Variants in BNC2 observed in about 807,000 individuals in gnomAD.
BNC2 encodes the protein basonuclin zinc finger protein 2, also known as zinc finger protein basonuclin-2.
Under a neutral mutation model 76.3 loss-of-function variants are expected in BNC2, and 20 were observed. The ratio of observed to expected loss-of-function variants is 0.26; its 90% confidence interval spans 0.18 to 0.38. BNC2 has a LOEUF of 0.38. Ranked by LOEUF, BNC2 falls within the 10% of genes least tolerant of loss-of-function variation. The pLI is 1.00. For missense variants in BNC2, 1,382 were observed against 1,399.8 expected (o/e 0.99, Z 0.20); for synonymous variants, 582 against 514.8 (o/e 1.13, Z -1.77).
At chr9:16,776,759 G>GA (rs909939386) in intron 1 of BNC2, among the ~76,000 whole-genome samples, 2 of 152,130 alleles carry the variant, frequency 1.3e-5, no homozygotes, top group Non-Finnish European at 2.9e-5. Flanking sequence ...CAACACGAAG[G>GA]AAACAAATTA....
intron 1 of BNC2, among the ~76,000 whole-genome samples, chr9:16,793,285 C>T (rs996034586): frequency 6.6e-6 from 1 of 152,084 alleles, no homozygotes; most frequent in East Asian, 1.9e-4. Flanking sequence ...AATCAGTTAC[C>T]TAAGCAAAGA....
intron 1 of BNC2, among the ~76,000 whole-genome samples, chr9:16,783,341 A>C (rs1459262690): frequency 1.3e-5 from 2 of 152,222 alleles, no homozygotes; most frequent in South Asian, 2.1e-4. Flanking sequence ...ATAAACCTAA[A>C]ACCTCCTCCA....
chr9:16,487,376 T>C (rs1334886883), intron 5 of BNC2, among the ~76,000 whole-genome samples: 2 of 152,154 alleles, frequency 1.3e-5, no homozygotes, highest in Non-Finnish European at 2.9e-5. Flanking sequence ...AATTTAACAA[T>C]TCAGAAGTTC....
intron 3 of BNC2, among the ~76,000 whole-genome samples, chr9:16,693,043 T>A (rs192367751): frequency 1.6e-3 from 226 of 145,356 alleles, no homozygotes; most frequent in African/African-American, 5.5e-3. Context: ...GGCAGGAGAA[T>A]CGCTTGAACC....
At chr9:16,554,184 G>A (rs1818751218) in intron 4 of BNC2, among the ~76,000 whole-genome samples, 2 of 152,160 alleles carry the variant, frequency 1.3e-5, no homozygotes, top group African/African-American at 4.8e-5. Flanking sequence ...CACTACACGT[G>A]CATTCTCAGC....
chr9:16,586,170 T>C (rs981840017), intron 3 of BNC2, among the ~76,000 whole-genome samples: 1 of 151,938 alleles, frequency 6.6e-6, no homozygotes, highest in African/African-American at 2.4e-5. Flanking sequence ...TTGTTCCGAG[T>C]GCCCAGAAGA....
chr9:16,825,089 C>T (rs906656757), intron 1 of BNC2, among the ~76,000 whole-genome samples: 1 of 150,904 alleles, frequency 6.6e-6, no homozygotes, highest in South Asian at 2.1e-4. Flanking sequence ...GCCAAAGATA[C>T]GAATCAGTGG....
At chr9:16,481,611 C>T (rs1263385604) in intron 5 of BNC2, among the ~76,000 whole-genome samples, 2 of 152,194 alleles carry the variant, frequency 1.3e-5, no homozygotes, top group East Asian at 1.9e-4. Context: ...CCACCAATTC[C>T]GGACACACCA....
At chr9:16,662,996 T>G (rs1822154402) in intron 3 of BNC2, among the ~76,000 whole-genome samples, 1 of 152,174 alleles carries the variant, frequency 6.6e-6, no homozygotes, top group African/African-American at 2.4e-5. Flanking sequence ...TTACAGTCTA[T>G]TCTGGTTATA....
chr9:16,481,606 A>C (rs1822058734), intron 5 of BNC2, among the ~76,000 whole-genome samples: 2 of 152,218 alleles, frequency 1.3e-5, no homozygotes, highest in Non-Finnish European at 2.9e-5. Context: ...AGGACCCACC[A>C]ATTCCGGACA....
intron 1 of BNC2, among the ~76,000 whole-genome samples, chr9:16,759,229 TA>T (rs1825480954): frequency 6.6e-6 from 1 of 152,220 alleles, no homozygotes; most frequent in African/African-American, 2.4e-5. Flanking sequence ...AATTGAGGCT[TA>T]ATTCACTAAT....
intron 3 of BNC2, among the ~76,000 whole-genome samples, chr9:16,689,504 A>C (rs1047070218): frequency 2.6e-5 from 4 of 152,144 alleles, no homozygotes; most frequent in Non-Finnish European, 4.4e-5. Flanking sequence ...AAACAAACTA[A>C]CTTCCATGTG....
intron 3 of BNC2, among the ~76,000 whole-genome samples, chr9:16,685,380 G>A (rs1035869999): frequency 4.6e-5 from 7 of 152,180 alleles, no homozygotes; most frequent in South Asian, 2.1e-4. Context: ...TACAGACAAC[G>A]CATCCTGAAA....
At chr9:16,446,871 A>G (rs1821242753) in intron 5 of BNC2, among the ~76,000 whole-genome samples, 1 of 152,106 alleles carries the variant, frequency 6.6e-6, no homozygotes, top group Non-Finnish European at 1.5e-5. Context: ...TCTTCCTTGT[A>G]CTGAGGAATT....
chr9:16,836,184 C>T (rs138817099), intron 1 of BNC2, among the ~76,000 whole-genome samples: 7 of 152,288 alleles, frequency 4.6e-5, no homozygotes, highest in East Asian at 3.9e-4. Context: ...GGAAGACCAA[C>T]GGCATGGCTT....
At chr9:16,847,597 A>G (rs1819020220) in intron 1 of BNC2, among the ~76,000 whole-genome samples, 1 of 152,196 alleles carries the variant, frequency 6.6e-6, no homozygotes, top group South Asian at 2.1e-4. Context: ...ACTAAAATAT[A>G]CAAGGTAGTA....
At chr9:16,818,335 C>T (rs1323045822) in intron 1 of BNC2, among the ~76,000 whole-genome samples, 3 of 152,022 alleles carry the variant, frequency 2.0e-5, no homozygotes, top group African/African-American at 4.8e-5. Flanking sequence ...ACCTTGGAGG[C>T]GGAGCTTGTA....
intron 5 of BNC2, among the ~76,000 whole-genome samples, chr9:16,438,331 TAGAC>T (rs1821061426): frequency 6.6e-6 from 1 of 152,220 alleles, no homozygotes; most frequent in East Asian, 1.9e-4. Context: ...GTGATGGATT[TAGAC>T]AGAATAAATG....
intron 1 of BNC2, among the ~76,000 whole-genome samples, chr9:16,845,915 C>T (rs1218668933): frequency 2.0e-5 from 3 of 151,846 alleles, no homozygotes; most frequent in East Asian, 1.9e-4. Context: ...TTTGGGAGGC[C>T]GAGACGGGCG....
Sources: allele counts gnomAD v4.1 joint callset (sites outside exome capture counted in the v4.1 genomes callset), GRCh38; gene constraint gnomAD v4.1.1; transcripts MANE v1.5; gene names NCBI Gene and HGNC (gene_info 2026-07-23, HGNC 2026-07-21).